The following UGT1A4 variants were observed in gnomAD, a reference collection of about 807,000 sequenced individuals.
UGT1A4 encodes UDP-glucuronosyltransferase 1A4.
Under a neutral mutation model 41.1 loss-of-function variants are expected in UGT1A4, and 32 were observed. The observed-to-expected ratio is 0.78, with a 90% CI of 0.59 to 1.05. The LOEUF is 1.05. Ranked by LOEUF, UGT1A4 falls within the 50% of genes least tolerant of loss-of-function variation. The pLI is 0.00. For missense variants in UGT1A4, 748 were observed against 677.4 expected, an observed-to-expected ratio of 1.10 and a Z score of -1.16; for synonymous variants, 283 against 265.1, an observed-to-expected ratio of 1.07 and a Z score of -0.66.
chr2:233,767,889 C>T lies in UGT1A4; in HGVS notation c.1040C>T (p.Ala347Val), dbSNP rs201372184. The change falls in exon 3 of 5, where the codon GCG becomes GTG. Residue 347 changes from alanine (A) to valine (V), a missense_variant. Ala to Val is a moderately conservative substitution (Grantham distance 64). Transcript: ENST00000373409. The part of the protein sequence containing the change: ...RYTGTRPSNL[A>V]NNTILVKWLP... Reference sequence around the variant, plus strand: ...ACTGGAACCCGACCATCGAATCTTGCGAACAACACGATACTTGTTAAGTGG... The same window carrying T: ...ACTGGAACCCGACCATCGAATCTTGTGAACAACACGATACTTGTTAAGTGG... 8.3e-5 allele frequency: 134 copies of T among 1,614,018 alleles called. No homozygotes were observed. Among genetic ancestry groups the T allele is most frequent in the Middle Eastern group, 1.6e-4 (1 of 6,084 alleles).
intron 1 of UGT1A4, chr2:233,754,340 T>C (rs17862879): frequency 7.9e-6 from 2 of 252,142 alleles, no homozygotes; most frequent in Non-Finnish European, 1.6e-5. Flanking sequence ...GTTTAATAAA[T>C]AGCAAATTGC....
chr2:233,747,481 A>T, intron 1 of UGT1A4: 1 of 1,608,962 alleles, frequency 6.2e-7, no homozygotes, highest in South Asian at 1.1e-5. Flanking sequence ...GATGAATTTG[A>T]TCGCCTTGTG....
chr2:233,718,897 C>G lies in UGT1A4; in HGVS notation c.77C>G (p.Ala26Gly), dbSNP rs1667541971. The stretch of plus-strand genomic sequence containing the variant: ...CTCCTCCTCAGTGTCCAGCCCTGGG[C>G]TGAGAGTGGAAAGGTGTTGGTGGTG... ...LLLLLSVQPW[A>G]ESGKVLVVPT... The change falls in exon 1 of 5, where the codon GCT becomes GGT. Residue 26 changes from alanine (A) to glycine (G), a missense_variant. Ala to Gly is a moderately conservative substitution (Grantham distance 60). Coordinates refer to ENST00000373409, the MANE Select transcript of UGT1A4 (RefSeq NM_007120.3). The G allele has an allele frequency of 8.1e-6, 13 of 1,614,042 alleles. No individual in the cohort carries two copies. The highest frequency in any genetic ancestry group is 1.1e-5 in the Non-Finnish European group (13 of 1,179,922).
intron 1 of UGT1A4, among the ~76,000 whole-genome samples, chr2:233,727,385 C>T (rs892403095): frequency 5.3e-5 from 8 of 152,128 alleles, no homozygotes; most frequent in African/African-American, 9.7e-5. Context: ...GGAGTACCAC[C>T]GTCTTCCAAG....
intron 1 of UGT1A4, chr2:233,760,220 G>T (rs1697349973): frequency 6.3e-7 from 1 of 1,593,686 alleles, no homozygotes; most frequent in Admixed American, 1.7e-5. Context: ...TTGGTGTATC[G>T]ATTGGTTTTT....
At chr2:233,755,317 G>C (rs1457699650) in intron 1 of UGT1A4, 17 of 525,588 alleles carry the variant, frequency 3.2e-5, no homozygotes, top group Non-Finnish European at 5.3e-5. Context: ...CGAGCGGCAA[G>C]GCTGCCAGCA....
intron 1 of UGT1A4, among the ~76,000 whole-genome samples, chr2:233,748,894 A>G (rs1694057054): frequency 6.6e-6 from 1 of 151,670 alleles, no homozygotes; most frequent in Non-Finnish European, 1.5e-5. Context: ...CATGTGTCCA[A>G]GAAGGGAAGT....
chr2:233,772,820 C>T lies in UGT1A4; in HGVS notation c.*261C>T. The T allele has an allele frequency of 1.0e-6, 1 of 980,900 alleles. No individual in the cohort carries two copies. The highest frequency in any genetic ancestry group is 3.1e-5 in the Admixed American group (1 of 31,764). 60.8% of individuals were successfully genotyped at this position (980,900 alleles called of 1,614,324 possible). A position where few individuals can be genotyped will look rare whatever the true frequency, so the allele number is the denominator to read the frequency against. On this transcript the variant is annotated 3_prime_UTR_variant, in exon 5 of 5. Coordinates refer to ENST00000373409, the MANE Select transcript of UGT1A4 (RefSeq NM_007120.3). ...TGCCATTTTTCAGAGGACGTGCAGA[C>T]AGGCTGGCATTCTAGATTACTTTTC...
chr2:233,729,082 G>T (rs2077787378), intron 1 of UGT1A4: 1 of 1,612,130 alleles, frequency 6.2e-7, no homozygotes, highest in Admixed American at 1.7e-5. Flanking sequence ...AATGTAGCAG[G>T]CACAGCGTGG....
At position 233,718,780 on chromosome 2, in the gene UGT1A4, A is replaced by T. The variant is rs765403855; in HGVS notation, c.-41A>T. ...CGAAGGAAACAAATGTAGCAGGCAC[A>T]GCGTGGGGTGGACAGTCAGCTGTCG... is the stretch of plus-strand genomic sequence containing the variant. On this transcript the variant is annotated 5_prime_UTR_variant, in exon 1 of 5. Transcript: ENST00000373409. The T allele has an allele frequency of 2.5e-6, 4 of 1,612,996 alleles. No individual in the cohort carries two copies. The highest frequency in any genetic ancestry group is 3.4e-6 in the Non-Finnish European group (4 of 1,179,996).
intron 1 of UGT1A4, among the ~76,000 whole-genome samples, chr2:233,725,079 C>G (rs370992455): frequency 6.2e-5 from 9 of 144,294 alleles, no homozygotes; most frequent in East Asian, 2.1e-4. Flanking sequence ...CGCAGGCACT[C>G]GGCAGGCTGA....
chr2:233,718,737 A>G lies in UGT1A4; in HGVS notation c.-84A>G, dbSNP rs545724404. On this transcript the variant is annotated 5_prime_UTR_variant, in exon 1 of 5. It removes an upstream start codon present in the reference 5' UTR. Transcript: ENST00000373409. ...ACATGCTGATTTGCTAGGTGGCTCA[A>G]TGACAAGGTAATTAAGGCGAAGGAA... 56 of 1,611,866 alleles carry G rather than the reference A, an allele frequency of 3.5e-5. No homozygotes were observed. In the African/African-American group the frequency reaches 4.3e-4, roughly 12 times the overall value.
At chr2:233,724,484 G>T (rs1426827388) in intron 1 of UGT1A4, among the ~76,000 whole-genome samples, 3 of 77,008 alleles carry the variant, frequency 3.9e-5, no homozygotes, top group Admixed American at 1.3e-4. Flanking sequence ...CTTCTCAGAC[G>T]GGGCGGCCGG....
intron 4 of UGT1A4, 66 bp downstream of exon 4, chr2:233,768,505 A>G (rs1285600562): frequency 6.4e-7 from 1 of 1,563,990 alleles, no homozygotes; most frequent in Non-Finnish European, 8.7e-7. Flanking sequence ...TTCAAATATG[A>G]AAACATTTAC....
Position 233,729,365 on chromosome 2 carries a change from A to C in UGT1A4, c.867+9678A>C, listed in dbSNP as rs367794808. ...GAGAACTTTTTCACCCTGACAACCT[A>C]TGCCATTTCGTGGACCCAGGATGAA... On this transcript the variant is annotated intron_variant, in intron 1 of 4. Coordinates refer to ENST00000373409, the MANE Select transcript of UGT1A4 (RefSeq NM_007120.3). 153 of 1,614,014 alleles carry C rather than the reference A, an allele frequency of 9.5e-5. No individual in the cohort carries two copies. Among genetic ancestry groups the C allele is most frequent in the Non-Finnish European group, 1.3e-4 (148 of 1,180,000 alleles).
chr2:233,754,938 G>A lies in UGT1A4; in HGVS notation c.868-12096G>A, dbSNP rs1338582901. ...CAGCGGGTTTCCCAAGAGGTCAAAG[G>A]AGAATGGGTCCCGGCCGCCAAAGAA... On this transcript the variant is annotated intron_variant, in intron 1 of 4. Coordinates refer to ENST00000373409, the MANE Select transcript of UGT1A4 (RefSeq NM_007120.3). 4 of 1,337,850 alleles carry A rather than the reference G, an allele frequency of 3.0e-6. No individual in the cohort carries two copies. The South Asian group carries it at 4.6e-5, about 15-fold the overall frequency. The allele number at this position is 1,337,850 out of a possible 1,614,324, so 82.9% of individuals were successfully genotyped here.
Position 233,769,397 on chromosome 2 carries a change from A to T in UGT1A4, c.1307+958A>T, listed in dbSNP as rs1699854250. ...TCATCCGACAATAGATACTGTGTGC[A>T]TATGTGCGTGTGCGTTTGTGCATGT... is the stretch of plus-strand genomic sequence containing the variant. On this transcript the variant is annotated intron_variant, in intron 4 of 4. Transcript: ENST00000373409. This position sits in a 1 kb window ranked among gnomAD's most constrained non-coding sequence, Gnocchi z 4.4. 1.7e-6 allele frequency: 2 copies of T among 1,148,656 alleles called. No individual in the cohort carries two copies. Among genetic ancestry groups the T allele is most frequent in the East Asian group, 2.5e-5 (1 of 39,850 alleles). 71.2% of individuals were successfully genotyped at this position (1,148,656 alleles called of 1,614,324 possible).
chr2:233,757,967 C>T (rs187620660), intron 1 of UGT1A4, among the ~76,000 whole-genome samples: 98 of 152,288 alleles, frequency 6.4e-4, no homozygotes, highest in African/African-American at 2.2e-3. Flanking sequence ...TGTGATTTCT[C>T]AGCCCCTAGA....
At chr2:233,731,806 G>A (rs142975775) in intron 1 of UGT1A4, among the ~76,000 whole-genome samples, 5,114 of 152,192 alleles carry the variant, frequency 0.034, 99 homozygotes, top group African/African-American at 0.051. Context: ...ACCCAGTAAT[G>A]GTATGGCTGT....
Sources: allele counts gnomAD v4.1 joint callset (sites outside exome capture counted in the v4.1 genomes callset), GRCh38; gene constraint gnomAD v4.1.1; non-coding constraint Gnocchi (gnomAD v3.1); transcripts MANE v1.5; gene names NCBI Gene and HGNC (gene_info 2026-07-23, HGNC 2026-07-21).